The following UBE3A variants were observed in gnomAD, a reference collection of about 807,000 sequenced individuals.
The protein encoded by UBE3A is ubiquitin protein ligase E3A, also known as ubiquitin-protein ligase E3A.
Under a neutral mutation model 83.4 loss-of-function variants are expected in UBE3A, and 6 were observed. The observed-to-expected ratio is 0.07, with a 90% CI of 0.04 to 0.14. The LOEUF (loss-of-function observed/expected upper bound fraction) is 0.14. Ranked by LOEUF, UBE3A falls within the 10% of genes least tolerant of loss-of-function variation. The pLI is 1.00. For synonymous variants in UBE3A, 337 were observed against 355.4 expected, an observed-to-expected ratio of 0.95 and a Z score of 0.58; for missense variants, 456 against 1,036.1, an observed-to-expected ratio of 0.44 and a Z score of 7.69.
At chr15:25,397,693 A>C (rs565939512) in intron 4 of UBE3A, among the ~76,000 whole-genome samples, 1 of 152,196 alleles carries the variant, frequency 6.6e-6, no homozygotes, top group African/African-American at 2.4e-5. Context: ...AACAACAAAA[A>C]AACAGCTTGT....
intron 4 of UBE3A, among the ~76,000 whole-genome samples, chr15:25,377,700 A>G (rs2152864101): frequency 6.6e-6 from 1 of 152,322 alleles, no homozygotes; most frequent in South Asian, 2.1e-4. Context: ...TACCGTGTGA[A>G]TGAGATCCTA....
chr15:25,367,270 T>C (rs904053001), intron 6 of UBE3A, among the ~76,000 whole-genome samples: 17 of 131,102 alleles, frequency 1.3e-4, no homozygotes, highest in African/African-American at 4.4e-4. Context: ...AATATGTAAA[T>C]ATTTACATAT....
chr15:25,383,924 T>A (rs559917800), intron 4 of UBE3A, among the ~76,000 whole-genome samples: 19 of 152,152 alleles, frequency 1.2e-4, no homozygotes, highest in Admixed American at 2.6e-4. Flanking sequence ...GCAAATGACA[T>A]GATCTTTTAT....
At chr15:25,373,487 T>C (rs77341861) in intron 5 of UBE3A, 9,051 of 152,298 alleles carry the variant, frequency 0.059, 357 homozygotes, top group Non-Finnish European at 0.09. Flanking sequence ...TTTTTTGTTG[T>C]TGTTTTTTGA....
At chr15:25,405,291 G>A (rs1596247039) in intron 4 of UBE3A, among the ~76,000 whole-genome samples, 170 bp downstream of exon 4, 1 of 151,952 alleles carries the variant, frequency 6.6e-6, no homozygotes, top group African/African-American at 2.4e-5. Flanking sequence ...CTGTTACCGA[G>A]GTTTAGAGTT....
intron 2 of UBE3A, among the ~76,000 whole-genome samples, chr15:25,410,022 T>C (rs1460093413): frequency 6.6e-6 from 1 of 151,964 alleles, no homozygotes; most frequent in Non-Finnish European, 1.5e-5. Flanking sequence ...AGGGATAGCA[T>C]TAGGAAATAT....
chr15:25,409,349 G>T, intron 2 of UBE3A, 142 bp from the exon 3 acceptor site: 2 of 401,460 alleles, frequency 5.0e-6, no homozygotes, highest in East Asian at 3.6e-5. Context: ...AAGTTTTTAA[G>T]GACTATTTTC....
intron 4 of UBE3A, among the ~76,000 whole-genome samples, chr15:25,396,571 T>C (rs2085624854): frequency 6.6e-6 from 1 of 152,154 alleles, no homozygotes; most frequent in Non-Finnish European, 1.5e-5. Flanking sequence ...TGTAGTGAGC[T>C]CTGATCACAC....
At chr15:25,358,876 T>A (rs2077605808) in intron 7 of UBE3A, among the ~76,000 whole-genome samples, 1 of 152,192 alleles carries the variant, frequency 6.6e-6, no homozygotes, top group South Asian at 2.1e-4. Flanking sequence ...TAGTTATAAG[T>A]ATGGTATTAA....
intron 4 of UBE3A, among the ~76,000 whole-genome samples, chr15:25,388,724 AAAAC>A (rs142452750): frequency 0.025 from 3,805 of 152,264 alleles, 158 homozygotes; most frequent in African/African-American, 0.088. Flanking sequence ...AAGAAAAAGA[AAAAC>A]AACAAAAACC....
At chr15:25,374,094 A>C (rs2080778792) in intron 5 of UBE3A, 1 of 152,242 alleles carries the variant, frequency 6.6e-6, no homozygotes, top group Non-Finnish European at 1.5e-5. Flanking sequence ...AAGCATCTCT[A>C]ATTTCCAATA....
chr15:25,400,594 G>C (rs2086840262), intron 4 of UBE3A, among the ~76,000 whole-genome samples: 1 of 152,082 alleles, frequency 6.6e-6, no homozygotes, highest in African/African-American at 2.4e-5. Context: ...TTGTCTTCTT[G>C]ATTTTTCTTT....
chr15:25,409,924 C>T (rs2089587915), intron 2 of UBE3A, among the ~76,000 whole-genome samples: 1 of 150,594 alleles, frequency 6.6e-6, no homozygotes, highest in African/African-American at 2.5e-5. Context: ...TGTTCTCACT[C>T]ACAGGTGGGA....
chr15:25,339,103 TCC>T lies in UBE3A; in HGVS notation c.*32_*33del, dbSNP rs1399394798. The T allele has an allele frequency of 5.4e-6, 8 of 1,472,206 alleles. No homozygotes were observed. Among genetic ancestry groups the T allele is most frequent in the South Asian group, 2.7e-5 (2 of 74,602 alleles). 91.2% of individuals were successfully genotyped at this position (1,472,206 alleles called of 1,614,324 possible). A position where few individuals can be genotyped will look rare whatever the true frequency, so the allele number is the denominator to read the frequency against. On this transcript the variant is annotated 3_prime_UTR_variant, in exon 13 of 13. Coordinates refer to ENST00000648336, the MANE Select transcript of UBE3A (RefSeq NM_130839.5). ...TTTAAATTTTTTCTTTTTTTTTCCT[TCC>T]TTTTTTTTGTTTTATTTTGTTTTGT...
rs145204762 is a variant in UBE3A, at chr15:25,411,597, A to ACAGCAG, written c.-101+305_-101+310dup. On this transcript the variant is annotated intron_variant, in intron 2 of 12. Transcript: ENST00000648336. Reference sequence around the variant, plus strand: ...AGAGCAAGACTCTGTCTCAAAAACAACAGCAGCAGCAGCAGCAGCAACAAC... The same window carrying ACAGCAG: ...AGAGCAAGACTCTGTCTCAAAAACAACAGCAGCAGCAGCAGCAGCAGCAGCAACAAC... Among the ~76,000 whole-genome samples the ACAGCAG allele has an allele frequency of 4.6e-3, 706 of 152,192 alleles. 3 individuals carry two copies. The highest frequency in any genetic ancestry group is 7.4e-3 in the Non-Finnish European group (502 of 68,008).
chr15:25,389,082 G>T (rs189951732), intron 4 of UBE3A, among the ~76,000 whole-genome samples: 22 of 152,270 alleles, frequency 1.4e-4, no homozygotes, highest in Admixed American at 1.3e-3. Context: ...CAGTAGTCAA[G>T]ATGGTGTGGT....
intron 1 of UBE3A, among the ~76,000 whole-genome samples, chr15:25,430,721 C>A (rs1465951417): frequency 1.3e-5 from 2 of 152,108 alleles, no homozygotes; most frequent in African/African-American, 4.8e-5. Flanking sequence ...AAAAACAAAA[C>A]AAAGAAATGA....
At chr15:25,386,846 A>AT (rs2083250427) in intron 4 of UBE3A, among the ~76,000 whole-genome samples, 1 of 152,180 alleles carries the variant, frequency 6.6e-6, no homozygotes, top group East Asian at 1.9e-4. Context: ...TTGTGAGATT[A>AT]TTATTCAAAA....
chr15:25,348,093 G>T (rs976498961), intron 11 of UBE3A, among the ~76,000 whole-genome samples: 2 of 151,442 alleles, frequency 1.3e-5, no homozygotes, highest in South Asian at 2.1e-4. Context: ...AAAGAAAATC[G>T]CAAAACAGAA....
Sources: allele counts gnomAD v4.1 joint callset (sites outside exome capture counted in the v4.1 genomes callset), GRCh38; gene constraint gnomAD v4.1.1; transcripts MANE v1.5; gene names NCBI Gene and HGNC (gene_info 2026-07-23, HGNC 2026-07-21).